The following CCDC15 variants were observed in gnomAD, a reference collection of about 807,000 sequenced individuals.
CCDC15 encodes coiled-coil domain-containing protein 15.
In CCDC15, 105 loss-of-function variants were observed where a neutral mutation model predicts 114.5. The ratio of observed to expected loss-of-function variants is 0.92; its 90% CI spans 0.78 to 1.08. The LOEUF (loss-of-function observed/expected upper bound fraction) is 1.08. Ranked by LOEUF, CCDC15 falls within the 50% of genes least tolerant of loss-of-function variation. The pLI, the probability that CCDC15 is intolerant of heterozygous loss-of-function variation, is 0.00. For synonymous variants in CCDC15, 334 were observed against 377.8 expected, an observed-to-expected ratio of 0.88 and a Z score of 1.34; for missense variants, 1,105 against 1,093.6, an observed-to-expected ratio of 1.01 and a Z score of -0.15.
At chr11:124,958,694 G>A (rs1179903105) in intron 2 of CCDC15, among the ~76,000 whole-genome samples, 3 of 152,162 alleles carry the variant, frequency 2.0e-5, no homozygotes, top group African/African-American at 7.2e-5. Context: ...GTTGTGGAAG[G>A]TACTGGGGAG....
chr11:125,038,830 A>C, intron 14 of CCDC15, 91 bp from the exon 15 acceptor site: 1 of 1,421,268 alleles, frequency 7.0e-7, no homozygotes, highest in Non-Finnish European at 9.7e-7. Flanking sequence ...TACGGAATAG[A>C]TTTAACAGTT....
At chr11:124,992,140 G>A (rs1948281405) in intron 9 of CCDC15, among the ~76,000 whole-genome samples, 1 of 152,044 alleles carries the variant, frequency 6.6e-6, no homozygotes, top group Admixed American at 6.5e-5. Flanking sequence ...CTTCTACTTT[G>A]TACTTCAGTG....
At chr11:124,975,821 T>C (rs954176266) in intron 5 of CCDC15, among the ~76,000 whole-genome samples, 27 of 152,116 alleles carry the variant, frequency 1.8e-4, no homozygotes, top group African/African-American at 6.3e-4. Flanking sequence ...TTAAAAATTG[T>C]CATAAAGTAT....
chr11:124,983,835 G>T (rs1948112602), intron 6 of CCDC15, among the ~76,000 whole-genome samples: 1 of 152,102 alleles, frequency 6.6e-6, no homozygotes, highest in Admixed American at 6.5e-5. Flanking sequence ...TGGCCTCCTT[G>T]TGGGCATTTG....
At chr11:124,964,120 T>C (rs1440249292) in intron 4 of CCDC15, among the ~76,000 whole-genome samples, 10 of 152,206 alleles carry the variant, frequency 6.6e-5, no homozygotes, top group Admixed American at 6.5e-4. Context: ...GTCGTGGCAA[T>C]GCGGGCTCTT....
chr11:124,990,010 A>G (rs558621030), intron 8 of CCDC15, among the ~76,000 whole-genome samples: 1 of 152,242 alleles, frequency 6.6e-6, no homozygotes, highest in African/African-American at 2.4e-5. Context: ...GCTGTTTGGT[A>G]CAAGAGGCCT....
At chr11:124,962,444 G>T (rs1051240897) in intron 4 of CCDC15, among the ~76,000 whole-genome samples, 3 of 152,196 alleles carry the variant, frequency 2.0e-5, no homozygotes, top group Non-Finnish European at 4.4e-5. Context: ...AAAGTAGGGA[G>T]TTACGGATGA....
intron 5 of CCDC15, 54 bp from the exon 6 acceptor site, chr11:124,977,424 T>G: frequency 6.8e-7 from 1 of 1,465,634 alleles, no homozygotes; most frequent in Non-Finnish European, 9.1e-7. Context: ...CTTAGTCTCA[T>G]GAATATGTTG....
At chr11:124,986,700 T>TGTGTGTGCGCGCGCGC (rs878887902) in intron 6 of CCDC15, 42 bp from the exon 7 acceptor site, 27 of 1,352,940 alleles carry the variant, frequency 2.0e-5, no homozygotes, top group Middle Eastern at 1.9e-4. Context: ...TTTGTGTGTG[T>TGTGTGTGCGCGCGCGC]GCGCGCGCGC....
At chr11:124,971,090 G>C (rs564178360) in intron 4 of CCDC15, among the ~76,000 whole-genome samples, 15 of 152,300 alleles carry the variant, frequency 9.8e-5, no homozygotes, top group African/African-American at 2.6e-4. Context: ...AATAGGGCTT[G>C]TAGGCCTGGC....
At chr11:124,984,784 T>C (rs2135477888) in intron 6 of CCDC15, among the ~76,000 whole-genome samples, 1 of 152,236 alleles carries the variant, frequency 6.6e-6, no homozygotes, top group African/African-American at 2.4e-5. Flanking sequence ...ACGGTAGCCC[T>C]CTTCAAGGTT....
chr11:125,033,920 T>C (rs1417708562), intron 13 of CCDC15, among the ~76,000 whole-genome samples: 3 of 152,188 alleles, frequency 2.0e-5, no homozygotes, highest in African/African-American at 7.2e-5. Flanking sequence ...CTTATATAAA[T>C]TAGAGAACTC....
At chr11:124,973,557 T>G (rs1377439408) in intron 4 of CCDC15, among the ~76,000 whole-genome samples, 1 of 151,974 alleles carries the variant, frequency 6.6e-6, no homozygotes, top group Non-Finnish European at 1.5e-5. Context: ...TGATGTGCTG[T>G]AAAAAAATCT....
At position 125,038,486 on chromosome 11, in the gene CCDC15, A is replaced by G; in HGVS notation, c.2467A>G (p.Met823Val). The change falls in exon 14 of 16, where the codon ATG (methionine) becomes GTG (valine). Residue 823 changes from methionine to valine, a missense_variant. Transcript: ENST00000344762. ...CYAAEQRILRMNFHEDPYSGE... is the reference protein window; with the variant it reads ...CYAAEQRILRVNFHEDPYSGE... ...TGCTGCAGAGCAGAGGATCCTAAGA[A>G]TGAACTTTCATGAAGATCCATATTC... The G allele has an allele frequency of 6.3e-7, 1 of 1,582,366 alleles. No individual in the cohort carries two copies. The highest frequency in any genetic ancestry group is 8.6e-7 in the Non-Finnish European group (1 of 1,163,246).
At chr11:124,958,540 G>A (rs1013343209) in intron 2 of CCDC15, among the ~76,000 whole-genome samples, 8 of 152,080 alleles carry the variant, frequency 5.3e-5, no homozygotes, top group African/African-American at 4.8e-5. Context: ...TGTACTAGAT[G>A]CCGTAGGGGA....
At chr11:124,965,546 A>C (rs1355987138) in intron 4 of CCDC15, among the ~76,000 whole-genome samples, 3 of 151,784 alleles carry the variant, frequency 2.0e-5, no homozygotes, top group African/African-American at 7.2e-5. Flanking sequence ...TTCTTTATTA[A>C]TCTTGCTAGC....
At chr11:125,007,734 A>G (rs1337416362) in intron 13 of CCDC15, among the ~76,000 whole-genome samples, 3 of 151,826 alleles carry the variant, frequency 2.0e-5, no homozygotes, top group Admixed American at 6.6e-5. Context: ...CTACATCCTC[A>G]CCAGCTTTTG....
chr11:125,030,010 C>G (rs1948727315), intron 13 of CCDC15, among the ~76,000 whole-genome samples: 1 of 152,170 alleles, frequency 6.6e-6, no homozygotes, highest in African/African-American at 2.4e-5. Flanking sequence ...CCAAATTGTC[C>G]AGGTAGCAAT....
chr11:125,033,696 G>A (rs917030299), intron 13 of CCDC15, among the ~76,000 whole-genome samples: 17 of 140,686 alleles, frequency 1.2e-4, no homozygotes, highest in South Asian at 4.4e-4. Flanking sequence ...TTTCCAGCTC[G>A]CTCACAGTGG....
Sources: gnomAD v4.1 joint callset for allele counts (sites outside exome capture counted in the v4.1 genomes callset) on GRCh38, gnomAD v4.1.1 for gene constraint, MANE v1.5 for transcripts, NCBI Gene and HGNC (gene_info 2026-07-23, HGNC 2026-07-21) for gene names.